The following AIG1 variants were observed in gnomAD, a reference collection of about 807,000 sequenced individuals.
AIG1 encodes androgen induced 1.
Under a neutral mutation model 31.4 loss-of-function variants are expected in AIG1, and 23 were observed. The observed-to-expected ratio is 0.73, with a 90% CI of 0.53 to 1.04. The LOEUF (loss-of-function observed/expected upper bound fraction) is 1.04, where lower values mean the gene tolerates loss of function less well. Among genes scored for constraint, AIG1 ranks in the 50% least tolerant of loss-of-function variants. The pLI is 0.00. For missense variants in AIG1, 274 were observed against 295.0 expected, an observed-to-expected ratio of 0.93 and a Z score of 0.52; for synonymous variants, 100 against 110.5, an observed-to-expected ratio of 0.90 and a Z score of 0.60.
At chr6:143,304,668 G>A (rs910755456) in intron 4 of AIG1, among the ~76,000 whole-genome samples, 2 of 151,298 alleles carry the variant, frequency 1.3e-5, no homozygotes, top group African/African-American at 4.9e-5. Context: ...GTTCATCAAG[G>A]ATATTGATCT....
chr6:143,342,035 C>G (rs539503321), downstream of AIG1, among the ~76,000 whole-genome samples: 11 of 152,346 alleles, frequency 7.2e-5, no homozygotes, highest in African/African-American at 2.6e-4. Context: ...AAACGATTCT[C>G]CTGCCTCAAC....
chr6:143,108,025 G>A (rs897339471), intron 1 of AIG1, among the ~76,000 whole-genome samples: 1 of 151,816 alleles, frequency 6.6e-6, no homozygotes, highest in Non-Finnish European at 1.5e-5. Context: ...TTGCTTAAAC[G>A]TTTAGACCTG....
At chr6:143,176,297 G>A (rs1460456448) in intron 3 of AIG1, among the ~76,000 whole-genome samples, 1 of 152,196 alleles carries the variant, frequency 6.6e-6, no homozygotes, top group Non-Finnish European at 1.5e-5. Context: ...AGGAGGTGGC[G>A]CTATGAAGAG....
At chr6:143,119,873 G>T (rs1349350360) in intron 1 of AIG1, among the ~76,000 whole-genome samples, 1 of 152,166 alleles carries the variant, frequency 6.6e-6, no homozygotes, top group Non-Finnish European at 1.5e-5. Context: ...GTTGGACTTT[G>T]TATATTTACC....
At chr6:143,157,305 A>G (rs1785874615) in intron 2 of AIG1, among the ~76,000 whole-genome samples, 1 of 152,038 alleles carries the variant, frequency 6.6e-6, no homozygotes. Flanking sequence ...CCTCCACCAC[A>G]TTGTGTGGCC....
chr6:143,117,534 A>G (rs1781842033), intron 1 of AIG1, among the ~76,000 whole-genome samples: 1 of 152,172 alleles, frequency 6.6e-6, no homozygotes, highest in Admixed American at 6.5e-5. Flanking sequence ...TGACGGTGGA[A>G]GAAGCAGATT....
At chr6:143,343,202 G>A (rs1187889703), downstream of AIG1, 26 of 702,264 alleles carry the variant, frequency 3.7e-5, no homozygotes, top group Non-Finnish European at 5.4e-5. Context: ...CCACGGATAT[G>A]GCAGGAATGA....
chr6:143,186,453 A>G (rs1789267289), intron 3 of AIG1, among the ~76,000 whole-genome samples: 1 of 152,202 alleles, frequency 6.6e-6, no homozygotes, highest in Admixed American at 6.5e-5. Context: ...CCCTTTACGC[A>G]ACCCATTTCA....
In AIG1 at chr6:143,171,504, TTAATATATA is replaced by T. The variant is rs1162332759; in HGVS notation, c.399+6333_399+6341del. On this transcript the variant is annotated intron_variant, in intron 3 of 5. Coordinates refer to ENST00000357847, the MANE Select transcript of AIG1 (RefSeq NM_016108.4). ...TATATATTAAATATATAATATATAT[TTAATATATA>T]TAATATATATATTTAATATATATAT... Among the ~76,000 whole-genome samples, 59 of 125,784 alleles carry T rather than the reference TTAATATATA, an allele frequency of 4.7e-4. No homozygotes were observed. The East Asian group carries it at 9.6e-3, about 20-fold the overall frequency. The allele number at this position is 125,784 out of a possible 152,430, so 82.5% of individuals were successfully genotyped here. A position where few individuals can be genotyped will look rare whatever the true frequency, so the allele number is the denominator to read the frequency against.
intron 3 of AIG1, among the ~76,000 whole-genome samples, chr6:143,259,828 G>A (rs894288992): frequency 7.2e-5 from 11 of 152,044 alleles, no homozygotes; most frequent in South Asian, 4.2e-4. Context: ...GAGCAGTAGC[G>A]GGGCACAATA....
intron 1 of AIG1, among the ~76,000 whole-genome samples, chr6:143,069,823 C>A (rs938389121): frequency 4.6e-5 from 7 of 152,242 alleles, no homozygotes; most frequent in South Asian, 4.1e-4. Context: ...TACCATTTTT[C>A]TTCTTTTTAT....
chr6:143,188,994 A>G (rs1184385101), intron 3 of AIG1: 1 of 984,666 alleles, frequency 1.0e-6, no homozygotes, highest in East Asian at 1.1e-4. Flanking sequence ...ATAAAAGTCA[A>G]AGTTATAGAT....
chr6:143,265,777 A>T (rs1796110973), intron 3 of AIG1, among the ~76,000 whole-genome samples: 1 of 152,234 alleles, frequency 6.6e-6, no homozygotes, highest in African/African-American at 2.4e-5. Flanking sequence ...GACAAAAAGT[A>T]ACCTGGTAAT....
intron 4 of AIG1, among the ~76,000 whole-genome samples, chr6:143,289,315 A>T (rs1266813455): frequency 2.0e-5 from 3 of 152,164 alleles, no homozygotes; most frequent in Non-Finnish European, 4.4e-5. Context: ...TCAGGTTGAA[A>T]TGTGGAATCT....
At chr6:143,231,500 G>GA (rs1191583953) in intron 3 of AIG1, among the ~76,000 whole-genome samples, 5 of 152,138 alleles carry the variant, frequency 3.3e-5, no homozygotes, top group African/African-American at 1.2e-4. Context: ...TGAACAGAGT[G>GA]AAAAAGGGCT....
intron 1 of AIG1, among the ~76,000 whole-genome samples, chr6:143,116,597 G>A (rs745853144): frequency 6.6e-6 from 1 of 151,196 alleles, no homozygotes; most frequent in Admixed American, 6.6e-5. Flanking sequence ...TACAGAGAGT[G>A]GCAGGAGAGG....
chr6:143,060,127 A>G (rs1364203233), upstream of AIG1, among the ~76,000 whole-genome samples: 1 of 151,978 alleles, frequency 6.6e-6, no homozygotes, highest in East Asian at 1.9e-4. Flanking sequence ...TTATCTATAA[A>G]CCTCTTGTCC....
At chr6:143,248,090 C>T (rs528985161) in intron 3 of AIG1, among the ~76,000 whole-genome samples, 10 of 152,110 alleles carry the variant, frequency 6.6e-5, no homozygotes, top group Non-Finnish European at 1.5e-4. Context: ...CTGGGAGTGT[C>T]TTATGACTAT....
At position 143,135,463 on chromosome 6, in the gene AIG1, A is replaced by C. The variant is rs180684587; in HGVS notation, c.142-1372A>C. Among the ~76,000 whole-genome samples, 145 of 152,304 alleles carry C rather than the reference A, an allele frequency of 9.5e-4. 2 individuals carry two copies. The highest frequency in any genetic ancestry group is 8.5e-3 in the Admixed American group (130 of 15,294). On this transcript the variant is annotated intron_variant, in intron 1 of 5. Transcript: ENST00000357847. ...TAGTTATCAAAACATGACTCTTGCC[A>C]ACACTTTTATTGTGTCGTTCTCAAT... is the stretch of plus-strand genomic sequence containing the variant.
Sources: gnomAD v4.1 joint callset for allele counts (sites outside exome capture counted in the v4.1 genomes callset) on GRCh38, gnomAD v4.1.1 for gene constraint, MANE v1.5 for transcripts, NCBI Gene and HGNC (gene_info 2026-07-23, HGNC 2026-07-21) for gene names.